RANBP3L: variants seen among roughly 807,000 people sequenced by gnomAD.
RANBP3L encodes the protein ran-binding protein 3-like.
In RANBP3L, 56 loss-of-function variants were observed where a neutral mutation model predicts 67.2. That is an observed-to-expected ratio of 0.83 (90% CI 0.67 to 1.04). The LOEUF (loss-of-function observed/expected upper bound fraction) is 1.04. Ranked by LOEUF, RANBP3L falls within the 50% of genes least tolerant of loss-of-function variation. The pLI, the probability that RANBP3L is intolerant of heterozygous loss-of-function variation, is 0.00. For missense variants in RANBP3L, 496 were observed against 535.5 expected (o/e 0.93, Z 0.73); for synonymous variants, 164 against 181.4 (o/e 0.90, Z 0.77).
In RANBP3L at chr5:36,248,941, A is replaced by G. The variant is rs766764122; in HGVS notation, c.*713T>C. 6.6e-6 allele frequency: 1 copy of G among 152,176 alleles called. No individual in the cohort carries two copies. Among genetic ancestry groups the G allele is most frequent in the Non-Finnish European group, 1.5e-5 (1 of 67,978 alleles). The allele number at this position is 152,176 out of a possible 1,614,324, so 9.4% of individuals were successfully genotyped here. On this transcript the variant is annotated 3_prime_UTR_variant, in exon 14 of 14. Transcript: ENST00000296604. Reference sequence around the variant, plus strand: ...AAAATACTAATGAAAATATAATTACATAAATAAAGTAGAACAGTTAACATA... The same window carrying G: ...AAAATACTAATGAAAATATAATTACGTAAATAAAGTAGAACAGTTAACATA...
intron 11 of RANBP3L, among the ~76,000 whole-genome samples, 174 bp downstream of exon 11, chr5:36,255,296 T>C (rs1579675520): frequency 6.6e-6 from 1 of 152,208 alleles, no homozygotes; most frequent in Middle Eastern, 3.4e-3. Context: ...GCCCATGCAG[T>C]CTAACAGGAG....
intron 1 of RANBP3L, among the ~76,000 whole-genome samples, chr5:36,300,661 ACAG>A (rs1752550041): frequency 6.6e-6 from 1 of 152,156 alleles, no homozygotes; most frequent in Non-Finnish European, 1.5e-5. Context: ...GCTGTCCCTG[ACAG>A]GGTGGATTGG....
In RANBP3L at chr5:36,256,983, A is replaced by G. The variant is rs1301802982; in HGVS notation, c.861T>C (p.Ile287=). 5.0e-6 allele frequency: 8 copies of G among 1,613,230 alleles called. No individual in the cohort carries two copies. Among genetic ancestry groups the G allele is most frequent in the Non-Finnish European group, 6.8e-6 (8 of 1,179,430 alleles). Residue 287 remains isoleucine (I), a synonymous_variant, in exon 10 of 14, where the codon ATT becomes ATC. Coordinates refer to ENST00000296604, the MANE Select transcript of RANBP3L (RefSeq NM_145000.5). Reference sequence around the variant, plus strand: ...CTGTTTCCTCCCCTGTTATAACATCAATTTTCTCCAGCAAGCATTTTCGTG... The same window carrying G: ...CTGTTTCCTCCCCTGTTATAACATCGATTTTCTCCAGCAAGCATTTTCGTG... ...QPSRKCLLEK[I]DVITGEETEH... is the part of the protein sequence containing the mutation.
rs555248176 is a variant in RANBP3L, at chr5:36,265,451, T to G, written c.338A>C (p.Gln113Pro). The change falls in exon 5 of 14, where the codon CAA becomes CCA. Residue 113 changes from glutamine (Q) to proline (P), a missense_variant and splice_region_variant. Gln to Pro is a moderately conservative substitution (Grantham distance 76, BLOSUM62 -1). Coordinates refer to ENST00000296604, the MANE Select transcript of RANBP3L (RefSeq NM_145000.5). Reference protein sequence around the residue: ...QSSVDIKSAEQGPVKHSKHVI... With the variant: ...QSSVDIKSAEPGPVKHSKHVI... ...TTCTTGAAATAGAAGCTACATACCT[T>G]GTTCAGCACTCTTTATATCAACACT... 6.3e-7 allele frequency: 1 copy of G among 1,583,484 alleles called. No individual in the cohort carries two copies. The highest frequency in any genetic ancestry group is 1.4e-5 in the African/African-American group (1 of 73,700).
In RANBP3L at chr5:36,247,257, G is replaced by T. The variant is rs1473696852; in HGVS notation, c.*2397C>A. Among the ~76,000 whole-genome samples the T allele has an allele frequency of 2.0e-5, 3 of 152,186 alleles. No homozygotes were observed. In the East Asian group the frequency reaches 5.8e-4, roughly 29 times the overall value. ...CTCCAAAATTGTACTAAATATTTGT[G>T]TAAGAATTCTAAGAAAGAATAATGG... On this transcript the variant is annotated 3_prime_UTR_variant, in exon 14 of 14. Transcript: ENST00000296604.
At position 36,255,526 on chromosome 5, in the gene RANBP3L, G is replaced by C. The variant is rs145127212; in HGVS notation, c.968C>G (p.Thr323Arg). 22 of 1,611,598 alleles carry C rather than the reference G, an allele frequency of 1.4e-5. No individual in the cohort carries two copies. Among genetic ancestry groups the C allele is most frequent in the Non-Finnish European group, 1.6e-5 (19 of 1,178,072 alleles). Residue 323 changes from threonine (T) to arginine (R), a missense_variant, in exon 11 of 14, where the codon ACG becomes AGG. Transcript: ENST00000296604. The part of the protein sequence containing the change: ...TQSWIERGRG[T>R]LRLNDTASTD... Reference sequence around the variant, plus strand: ...GCTTGCTGTGTCATTCAGTCTCAACGTTCCTCTGCCCCTTTCAATCCAGGA... The same window carrying C: ...GCTTGCTGTGTCATTCAGTCTCAACCTTCCTCTGCCCCTTTCAATCCAGGA...
At chr5:36,251,789 A>G (rs16902858) in intron 12 of RANBP3L, among the ~76,000 whole-genome samples, 8,279 of 152,194 alleles carry the variant, frequency 0.054, 798 homozygotes, top group African/African-American at 0.19. Context: ...ATTAGTTAAG[A>G]CCATCCCTCT....
chr5:36,297,280 T>G (rs1752287709), intron 1 of RANBP3L, among the ~76,000 whole-genome samples: 1 of 150,728 alleles, frequency 6.6e-6, no homozygotes, highest in African/African-American at 2.4e-5. Context: ...ATTAAGGTCT[T>G]CATCATTGTC....
At chr5:36,256,896 A>C in intron 10 of RANBP3L, 45 bp downstream of exon 10, 1 of 1,545,262 alleles carries the variant, frequency 6.5e-7, no homozygotes, top group Middle Eastern at 1.7e-4. Context: ...ACTTTATTCC[A>C]AGTATGTAAA....
chr5:36,293,795 C>A (rs1447093447), intron 1 of RANBP3L, among the ~76,000 whole-genome samples: 1 of 148,160 alleles, frequency 6.7e-6, no homozygotes, highest in Non-Finnish European at 1.5e-5. Flanking sequence ...CTGCTGGATT[C>A]GGTTTGCCAG....
chr5:36,271,204 T>A (rs1750183460), intron 2 of RANBP3L, 49 bp downstream of exon 2: 1 of 1,048,526 alleles, frequency 9.5e-7, no homozygotes, highest in Non-Finnish European at 1.5e-6. Flanking sequence ...TCCTGAAATA[T>A]AATTGTCTTT....
intron 4 of RANBP3L, among the ~76,000 whole-genome samples, chr5:36,267,526 G>GAAAT (rs1312119007): frequency 6.7e-6 from 1 of 149,124 alleles, no homozygotes; most frequent in Admixed American, 6.6e-5. Context: ...AAAAAAGAAA[G>GAAAT]AAAGAAAGAA....
intron 1 of RANBP3L, among the ~76,000 whole-genome samples, chr5:36,286,709 C>G (rs1391830336): frequency 6.6e-6 from 1 of 152,182 alleles, no homozygotes; most frequent in Non-Finnish European, 1.5e-5. Context: ...AAATATTGCT[C>G]TAACTGAAAT....
chr5:36,251,608 T>C (rs1364410644), intron 12 of RANBP3L, 109 bp from the exon 13 acceptor site: 2 of 845,452 alleles, frequency 2.4e-6, no homozygotes, highest in Non-Finnish European at 3.6e-6. Flanking sequence ...GGCATAAATC[T>C]ACAGTGTACA....
intron 1 of RANBP3L, among the ~76,000 whole-genome samples, chr5:36,295,731 T>A (rs1278798465): frequency 1.4e-5 from 2 of 146,722 alleles, no homozygotes; most frequent in African/African-American, 5.0e-5. Flanking sequence ...AGTGGGAAAA[T>A]GAAGTTTCAG....
intron 1 of RANBP3L, among the ~76,000 whole-genome samples, chr5:36,277,064 C>G (rs1264248574): frequency 3.3e-5 from 5 of 152,174 alleles, no homozygotes; most frequent in East Asian, 3.9e-4. Context: ...GCAACAAACC[C>G]CTGCAGAGGG....
At chr5:36,253,084 G>A (rs545026109) in intron 12 of RANBP3L, among the ~76,000 whole-genome samples, 1 of 151,952 alleles carries the variant, frequency 6.6e-6, no homozygotes, top group African/African-American at 2.4e-5. Context: ...GCTCTCTTGG[G>A]TCTGGATCTT....
chr5:36,251,123 T>C (rs193098468), intron 13 of RANBP3L, among the ~76,000 whole-genome samples, 190 bp downstream of exon 13: 8 of 152,252 alleles, frequency 5.3e-5, no homozygotes, highest in Admixed American at 1.3e-4. Context: ...GCTGACTTGA[T>C]AAAATGAAGA....
In RANBP3L at chr5:36,251,420, C is replaced by A; in HGVS notation, c.1247G>T (p.Arg416Ile). 2 of 1,613,266 alleles carry A rather than the reference C, an allele frequency of 1.2e-6. No individual in the cohort carries two copies. Among genetic ancestry groups the A allele is most frequent in the Non-Finnish European group, 1.7e-6 (2 of 1,179,462 alleles). ...CAGGCTTTCAGCTTGATTGACATCT[C>A]TCTGCTTATTGAAGCTTTGAAGTGC... ...LVALQSFNKQRDVNQAESLSE... is the reference protein window; with the variant it reads ...LVALQSFNKQIDVNQAESLSE... Residue 416 changes from arginine (R) to isoleucine (I), a missense_variant, in exon 13 of 14, where the codon AGA (arginine) becomes ATA (isoleucine). Physicochemically the swap from Arg to Ile is moderately conservative, Grantham distance 97. Transcript: ENST00000296604.
Sources: gnomAD v4.1 joint callset for allele counts (sites outside exome capture counted in the v4.1 genomes callset) on GRCh38, gnomAD v4.1.1 for gene constraint, MANE v1.5 for transcripts, NCBI Gene and HGNC (gene_info 2026-07-23, HGNC 2026-07-21) for gene names.